ASAP1: variants seen among roughly 807,000 people sequenced by gnomAD.
ASAP1 encodes arf-GAP with SH3 domain, ANK repeat and PH domain-containing protein 1.
Under a neutral mutation model 145.2 loss-of-function variants are expected in ASAP1, and 43 were observed. The ratio of observed to expected loss-of-function variants is 0.30; its 90% CI spans 0.23 to 0.38. ASAP1 has a LOEUF of 0.38. ASAP1 is among the 10% of genes least tolerant of loss of function. ASAP1 has a pLI of 1.00. For synonymous variants in ASAP1, 546 were observed against 515.5 expected, an observed-to-expected ratio of 1.06 and a Z score of -0.80; for missense variants, 1,018 against 1,355.3, an observed-to-expected ratio of 0.75 and a Z score of 3.91.
chr8:130,334,768 C>A (rs1441484846), intron 3 of ASAP1, among the ~76,000 whole-genome samples: 1 of 152,184 alleles, frequency 6.6e-6, no homozygotes, highest in Non-Finnish European at 1.5e-5. Flanking sequence ...CAACAAAAAT[C>A]TCTTTTCAGA....
At chr8:130,342,372 A>G (rs888359208) in intron 3 of ASAP1, among the ~76,000 whole-genome samples, 2 of 152,184 alleles carry the variant, frequency 1.3e-5, no homozygotes, top group African/African-American at 4.8e-5. Context: ...AACATCCAGT[A>G]ACAGAGGCCT....
At chr8:130,391,101 C>A (rs1348855338) in intron 2 of ASAP1, among the ~76,000 whole-genome samples, 1 of 151,972 alleles carries the variant, frequency 6.6e-6, no homozygotes, top group Non-Finnish European at 1.5e-5. Context: ...TATTTAGCCT[C>A]AAAAATGAAG....
intron 3 of ASAP1, among the ~76,000 whole-genome samples, chr8:130,256,765 A>ATATATATATATATATATCC (rs1819584740): frequency 7.9e-6 from 1 of 127,340 alleles, no homozygotes; most frequent in Non-Finnish European, 1.7e-5. Flanking sequence ...ATATATATAT[A>ATATATATATATATATATCC]TATATATATA....
chr8:130,142,292 C>A (rs754106287), intron 13 of ASAP1, among the ~76,000 whole-genome samples: 7 of 152,164 alleles, frequency 4.6e-5, no homozygotes, highest in Non-Finnish European at 8.8e-5. Context: ...GGATGCCCAG[C>A]ACACAAGAAC....
intron 1 of ASAP1, among the ~76,000 whole-genome samples, chr8:130,414,218 G>A (rs6980501): frequency 0.47 from 71,748 of 151,914 alleles, 17,381 homozygotes; most frequent in East Asian, 0.58. Context: ...TTCATTGGAC[G>A]AATGTTTGCT....
intron 24 of ASAP1, among the ~76,000 whole-genome samples, chr8:130,106,368 C>T (rs2097536878): frequency 6.6e-6 from 1 of 152,156 alleles, no homozygotes; most frequent in Non-Finnish European, 1.5e-5. Flanking sequence ...CCATGCGAGT[C>T]TGAATCATGC....
At chr8:130,079,624 C>T (rs929573734) in intron 26 of ASAP1, among the ~76,000 whole-genome samples, 1 of 145,276 alleles carries the variant, frequency 6.9e-6, no homozygotes, top group Admixed American at 6.8e-5. Flanking sequence ...AAGACCACTG[C>T]ACAACCCTGC....
chr8:130,363,635 A>ATT (rs373031430), intron 2 of ASAP1, among the ~76,000 whole-genome samples: 2 of 152,332 alleles, frequency 1.3e-5, no homozygotes, highest in African/African-American at 4.8e-5. Context: ...GAATTCATTC[A>ATT]TATAACAGTC....
chr8:130,289,059 G>T (rs1226950157), intron 3 of ASAP1, among the ~76,000 whole-genome samples: 1 of 152,146 alleles, frequency 6.6e-6, no homozygotes, highest in Admixed American at 6.5e-5. Context: ...GGTGGCACAC[G>T]CCTGTAGTCC....
intron 3 of ASAP1, among the ~76,000 whole-genome samples, chr8:130,266,974 T>A (rs10099391): frequency 6.6e-6 from 1 of 151,136 alleles, no homozygotes; most frequent in Non-Finnish European, 1.5e-5. Context: ...ATAAGAGACA[T>A]AGAAGATAGA....
At chr8:130,292,069 T>G (rs908622059) in intron 3 of ASAP1, among the ~76,000 whole-genome samples, 4 of 152,160 alleles carry the variant, frequency 2.6e-5, no homozygotes, top group Non-Finnish European at 2.9e-5. Context: ...ACTGAAGAAT[T>G]TGAGTTTTAT....
chr8:130,305,466 C>T (rs1034840983), intron 3 of ASAP1, among the ~76,000 whole-genome samples: 2 of 152,160 alleles, frequency 1.3e-5, no homozygotes, highest in South Asian at 2.1e-4. Flanking sequence ...CGGGTTCAAG[C>T]GATTCTCTTG....
At chr8:130,394,600 C>T (rs1419872474) in intron 2 of ASAP1, among the ~76,000 whole-genome samples, 2 of 152,144 alleles carry the variant, frequency 1.3e-5, no homozygotes, top group African/African-American at 2.4e-5. Flanking sequence ...ACACCCTATT[C>T]GTACACTCCC....
Position 130,385,240 on chromosome 8 carries a change from C to T in ASAP1, c.59+16645G>A, listed in dbSNP as rs191593730. 5.3e-3 allele frequency among the ~76,000 whole-genome samples: 800 copies of T among 152,166 alleles called. 11 individuals carry two copies. The highest frequency in any genetic ancestry group is 0.019 in the African/African-American group (770 of 41,506). ...CAGCAGTTTGGGAGGCTGAGGTGGG[C>T]GGATCACTTGAGGTCAGGAGTTCCA... On this transcript the variant is annotated intron_variant, in intron 2 of 29. Transcript: ENST00000518721.
At chr8:130,165,014 G>A (rs1281784946) in intron 11 of ASAP1, among the ~76,000 whole-genome samples, 1 of 152,164 alleles carries the variant, frequency 6.6e-6, no homozygotes, top group African/African-American at 2.4e-5. Flanking sequence ...GCATGAGAAA[G>A]GAACAGGCAT....
chr8:130,314,082 C>T (rs780481026), intron 3 of ASAP1, among the ~76,000 whole-genome samples: 4 of 152,118 alleles, frequency 2.6e-5, no homozygotes, highest in Admixed American at 6.5e-5. Flanking sequence ...GTCTAGAATG[C>T]GTCACCTTCA....
intron 13 of ASAP1, among the ~76,000 whole-genome samples, chr8:130,148,197 C>T (rs1401896578): frequency 6.7e-6 from 1 of 150,090 alleles, no homozygotes; most frequent in Non-Finnish European, 1.5e-5. Flanking sequence ...CTTTCAAAGA[C>T]CTAACAACAA....
chr8:130,319,299 A>G (rs1418526077), intron 3 of ASAP1, among the ~76,000 whole-genome samples: 1 of 152,232 alleles, frequency 6.6e-6, no homozygotes, highest in Admixed American at 6.5e-5. Context: ...TCTGTTCTTT[A>G]AAAAATAAAA....
chr8:130,392,704 A>G (rs1309150679), intron 2 of ASAP1, among the ~76,000 whole-genome samples: 2 of 152,178 alleles, frequency 1.3e-5, no homozygotes, highest in Non-Finnish European at 2.9e-5. Context: ...ACAAGAAGCC[A>G]GCACCTGCTT....
Sources: allele counts gnomAD v4.1 joint callset (sites outside exome capture counted in the v4.1 genomes callset), GRCh38; gene constraint gnomAD v4.1.1; transcripts MANE v1.5; gene names NCBI Gene and HGNC (gene_info 2026-07-23, HGNC 2026-07-21).